The following ABHD12 variants were observed in gnomAD, a reference collection of about 807,000 sequenced individuals.
ABHD12 encodes the protein abhydrolase domain containing 12, lysophospholipase.
Under a neutral mutation model 58.3 loss-of-function variants are expected in ABHD12, and 43 were observed. The ratio of observed to expected loss-of-function variants is 0.74; its 90% confidence interval spans 0.58 to 0.95. ABHD12 has a LOEUF of 0.95. Among genes scored for constraint, ABHD12 ranks in the 40% least tolerant of loss-of-function variants. The pLI is 0.00. For missense variants in ABHD12, 539 were observed against 537.2 expected (o/e 1.00, Z -0.03); for synonymous variants, 219 against 211.2 (o/e 1.04, Z -0.32).
chr20:25,339,187 C>T (rs1359925438), intron 2 of ABHD12, 40 bp downstream of exon 2: 15 of 1,612,824 alleles, frequency 9.3e-6, no homozygotes, highest in Non-Finnish European at 1.3e-5. Context: ...AAAATGAACC[C>T]TTACTAAAAT....
At chr20:25,339,853 T>G in intron 1 of ABHD12, 1 of 983,928 alleles carries the variant, frequency 1.0e-6, no homozygotes, top group African/African-American at 1.7e-5. Context: ...AGCAGGAGGC[T>G]AAGAACTGGC....
At chr20:25,339,022 G>A (rs997458335) in intron 2 of ABHD12, 3 of 1,353,226 alleles carry the variant, frequency 2.2e-6, no homozygotes, top group Admixed American at 6.2e-5. Flanking sequence ...GGTAATAAAA[G>A]CATTCTAGTT....
intron 2 of ABHD12, among the ~76,000 whole-genome samples, chr20:25,329,441 C>A (rs2089231568): frequency 6.7e-6 from 1 of 149,158 alleles, no homozygotes; most frequent in Non-Finnish European, 1.5e-5. Context: ...GTCCACCCCC[C>A]AGTTTTCATT....
At chr20:25,388,638 C>T (rs1248616854) in intron 1 of ABHD12, among the ~76,000 whole-genome samples, 2 of 152,124 alleles carry the variant, frequency 1.3e-5, no homozygotes, top group Non-Finnish European at 2.9e-5. Context: ...TTTTGCTTAT[C>T]CAAAGGATAT....
At chr20:25,363,071 T>A (rs927562684) in intron 1 of ABHD12, among the ~76,000 whole-genome samples, 3 of 152,114 alleles carry the variant, frequency 2.0e-5, no homozygotes, top group Non-Finnish European at 4.4e-5. Context: ...CTATTTCTCA[T>A]CTTCCAATAA....
At chr20:25,314,882 G>A in intron 6 of ABHD12, 43 bp downstream of exon 6, 3 of 1,608,314 alleles carry the variant, frequency 1.9e-6, no homozygotes, top group Non-Finnish European at 2.6e-6. Context: ...CCGCCAGCAA[G>A]CAGTGGAATT....
At chr20:25,376,189 T>A (rs943809416) in intron 1 of ABHD12, among the ~76,000 whole-genome samples, 1 of 152,170 alleles carries the variant, frequency 6.6e-6, no homozygotes, top group East Asian at 1.9e-4. Context: ...AATGTAACCA[T>A]CAAAATTGTT....
At chr20:25,326,110 A>AAGGGG (rs372081778) in intron 2 of ABHD12, among the ~76,000 whole-genome samples, 6,022 of 137,118 alleles carry the variant, frequency 0.044, 152 homozygotes, top group Middle Eastern at 0.083. Context: ...GAAAGAAGTG[A>AAGGGG]AGGGGAGGGG....
intron 1 of ABHD12, chr20:25,390,009 G>C (rs2090147871): frequency 6.6e-6 from 1 of 152,486 alleles, no homozygotes; most frequent in South Asian, 2.1e-4. Flanking sequence ...CGGGCGCTCG[G>C]TGTGGGGCCT....
chr20:25,349,286 G>A (rs1364221389), intron 1 of ABHD12, among the ~76,000 whole-genome samples: 1 of 152,074 alleles, frequency 6.6e-6, no homozygotes, highest in African/African-American at 2.4e-5. Context: ...AACGAATCAG[G>A]TAGGAATATA....
intron 1 of ABHD12, among the ~76,000 whole-genome samples, chr20:25,381,406 G>A (rs1225992189): frequency 2.0e-5 from 3 of 152,152 alleles, no homozygotes; most frequent in African/African-American, 7.2e-5. Flanking sequence ...GTTACTGGGC[G>A]TAACAGGTAC....
At chr20:25,389,854 C>T in intron 1 of ABHD12, 1 of 152,406 alleles carries the variant, frequency 6.6e-6, no homozygotes, top group Non-Finnish European at 1.5e-5. Context: ...TCCCCTAGCA[C>T]CCCGCCGCCC....
chr20:25,322,211 A>AAGTC lies in ABHD12; in HGVS notation c.422+1110_422+1113dup, dbSNP rs139289319. On this transcript the variant is annotated intron_variant, in intron 3 of 12. Coordinates refer to ENST00000339157, the MANE Select transcript of ABHD12 (RefSeq NM_001042472.3). ...AAATGTATTCCAAGGAGACACAGAG[A>AAGTC]AGTCACAAGGCTTATGTCCAGTGTA... Among the ~76,000 whole-genome samples, 1,051 of 151,788 alleles carry AAGTC rather than the reference A, an allele frequency of 6.9e-3. 13 individuals carry two copies. Among genetic ancestry groups the AAGTC allele is most frequent in the African/African-American group, 0.021 (888 of 41,378 alleles).
At chr20:25,354,289 G>C (rs1292134679) in intron 1 of ABHD12, among the ~76,000 whole-genome samples, 1 of 152,190 alleles carries the variant, frequency 6.6e-6, no homozygotes, top group African/African-American at 2.4e-5. Flanking sequence ...AGGTGTAGCG[G>C]CAGAAGACGG....
At chr20:25,317,211 G>C (rs1253019001) in intron 4 of ABHD12, 133 bp from the exon 5 acceptor site, 1 of 698,778 alleles carries the variant, frequency 1.4e-6, no homozygotes, top group Non-Finnish European at 2.6e-6. Context: ...GTCCCCCTAA[G>C]TAGCCCCACA....
rs6050575 is a variant in ABHD12, at chr20:25,389,701, G to T, written c.191+812C>A. Among the ~76,000 whole-genome samples the T allele has an allele frequency of 8.3e-3, 1,264 of 152,174 alleles. 19 individuals carry two copies. Among genetic ancestry groups the T allele is most frequent in the African/African-American group, 0.029 (1,208 of 41,520 alleles). ...CCCAATAACCCAAAGGTTATTGAACGCCAATAACCAAACGACTCAGGACTG... is the reference window on the plus strand; with the variant it reads ...CCCAATAACCCAAAGGTTATTGAACTCCAATAACCAAACGACTCAGGACTG... On this transcript the variant is annotated intron_variant, in intron 1 of 12. Coordinates refer to ENST00000339157, the MANE Select transcript of ABHD12 (RefSeq NM_001042472.3).
At chr20:25,386,372 C>T (rs1043279325) in intron 1 of ABHD12, among the ~76,000 whole-genome samples, 1 of 150,398 alleles carries the variant, frequency 6.6e-6, no homozygotes, top group Non-Finnish European at 1.5e-5. Context: ...CATTCTCCTA[C>T]CTCAGCCTCC....
chr20:25,372,550 G>C (rs2089911847), intron 1 of ABHD12, among the ~76,000 whole-genome samples: 2 of 152,114 alleles, frequency 1.3e-5, no homozygotes, highest in South Asian at 4.1e-4. Context: ...TTTTGCCTTT[G>C]AAGATATTTG....
At chr20:25,354,446 T>C (rs1438121616) in intron 1 of ABHD12, among the ~76,000 whole-genome samples, 1 of 152,200 alleles carries the variant, frequency 6.6e-6, no homozygotes, top group African/African-American at 2.4e-5. Context: ...TGGCCCAGTT[T>C]TTAAACATTC....
Sources: allele counts gnomAD v4.1 joint callset (sites outside exome capture counted in the v4.1 genomes callset), GRCh38; gene constraint gnomAD v4.1.1; transcripts MANE v1.5; gene names NCBI Gene and HGNC (gene_info 2026-07-23, HGNC 2026-07-21).